The following PTPRM variants were observed in gnomAD, a reference collection of about 807,000 sequenced individuals.
PTPRM encodes the protein protein tyrosine phosphatase receptor type M.
Under a neutral mutation model 186.7 loss-of-function variants are expected in PTPRM, and 47 were observed. The ratio of observed to expected loss-of-function variants is 0.25; its 90% CI spans 0.20 to 0.32. The LOEUF is 0.32. Among genes scored for constraint, PTPRM ranks in the 10% least tolerant of loss-of-function variants. The pLI is 1.00. For missense variants in PTPRM, 1,494 were observed against 1,865.0 expected (o/e 0.80, Z 3.66); for synonymous variants, 668 against 674.9 (o/e 0.99, Z 0.16).
At chr18:7,999,772 G>A (rs2083758810) in intron 7 of PTPRM, among the ~76,000 whole-genome samples, 1 of 151,986 alleles carries the variant, frequency 6.6e-6, no homozygotes, top group South Asian at 2.1e-4. Context: ...TTGTACTAGG[G>A]TTCTCCAGAG....
intron 7 of PTPRM, among the ~76,000 whole-genome samples, chr18:8,054,737 C>T (rs1438676454): frequency 6.6e-6 from 1 of 151,712 alleles, no homozygotes; most frequent in Non-Finnish European, 1.5e-5. Flanking sequence ...TGTTTTTTTG[C>T]TCACCATTTC....
chr18:8,181,981 T>C (rs2093582152), intron 14 of PTPRM, among the ~76,000 whole-genome samples: 1 of 152,190 alleles, frequency 6.6e-6, no homozygotes, highest in African/African-American at 2.4e-5. Context: ...TTAATTACGC[T>C]GGTCTGTGGC....
At chr18:7,937,289 G>A (rs867095785) in intron 5 of PTPRM, among the ~76,000 whole-genome samples, 9 of 152,212 alleles carry the variant, frequency 5.9e-5, no homozygotes, top group Middle Eastern at 3.2e-3. Flanking sequence ...AGCCAGGGCT[G>A]TGACACCCTC....
At chr18:7,924,811 G>A (rs756365651) in intron 4 of PTPRM, among the ~76,000 whole-genome samples, 10 of 152,132 alleles carry the variant, frequency 6.6e-5, no homozygotes, top group South Asian at 2.1e-4. Flanking sequence ...GAAAATTCCC[G>A]CAGGCAGACC....
At chr18:7,949,604 C>T (rs1158621760) in intron 6 of PTPRM, among the ~76,000 whole-genome samples, 4 of 152,162 alleles carry the variant, frequency 2.6e-5, no homozygotes, top group Non-Finnish European at 4.4e-5. Flanking sequence ...GCAAAGTCTT[C>T]TGCCAACTCT....
At chr18:7,914,673 A>G (rs2050452575) in intron 4 of PTPRM, among the ~76,000 whole-genome samples, 1 of 152,140 alleles carries the variant, frequency 6.6e-6, no homozygotes, top group Admixed American at 6.5e-5. Flanking sequence ...TTAGCTGCTA[A>G]TGGTAAACCT....
intron 19 of PTPRM, among the ~76,000 whole-genome samples, chr18:8,267,129 C>T (rs2094710662): frequency 6.6e-6 from 1 of 152,052 alleles, no homozygotes; most frequent in Non-Finnish European, 1.5e-5. Flanking sequence ...TATTTATGTG[C>T]TTTAGGTAAT....
At chr18:7,823,470 A>G (rs904592906) in intron 2 of PTPRM, among the ~76,000 whole-genome samples, 2 of 152,282 alleles carry the variant, frequency 1.3e-5, no homozygotes, top group East Asian at 1.9e-4. Flanking sequence ...GATGCAAAGT[A>G]TTGTTCCTGG....
chr18:7,761,011 C>A (rs964343139), intron 1 of PTPRM, among the ~76,000 whole-genome samples: 4 of 152,078 alleles, frequency 2.6e-5, no homozygotes, highest in Non-Finnish European at 5.9e-5. Context: ...ATAATACATG[C>A]TAAAAAGTAA....
At chr18:8,363,032 G>A (rs2095606121) in intron 23 of PTPRM, among the ~76,000 whole-genome samples, 1 of 152,156 alleles carries the variant, frequency 6.6e-6, no homozygotes, top group Non-Finnish European at 1.5e-5. Context: ...CTTGCTCTCT[G>A]CATCCCCAGC....
At chr18:8,333,193 C>T (rs551431336) in intron 22 of PTPRM, among the ~76,000 whole-genome samples, 1 of 152,274 alleles carries the variant, frequency 6.6e-6, no homozygotes, top group Admixed American at 6.5e-5. Context: ...TTATACCCAC[C>T]CATCTCAACT....
At chr18:7,832,401 G>T (rs557967601) in intron 2 of PTPRM, among the ~76,000 whole-genome samples, 1 of 152,212 alleles carries the variant, frequency 6.6e-6, no homozygotes, top group South Asian at 2.1e-4. Context: ...CTTTTCATAT[G>T]CCTGTTTGCC....
intron 2 of PTPRM, among the ~76,000 whole-genome samples, chr18:7,864,659 A>G (rs1307973049): frequency 6.6e-6 from 1 of 152,200 alleles, no homozygotes; most frequent in Non-Finnish European, 1.5e-5. Flanking sequence ...CTTTTTGCTT[A>G]GGATTGGCTT....
intron 4 of PTPRM, among the ~76,000 whole-genome samples, chr18:7,916,584 CAG>C (rs968896601): frequency 6.6e-6 from 1 of 152,100 alleles, no homozygotes; most frequent in South Asian, 2.1e-4. Context: ...ACATGGCAGA[CAG>C]AGGGGGAAAG....
rs118167160 is a variant in PTPRM, at chr18:7,688,265, C to T, written c.74-85884C>T. The stretch of plus-strand genomic sequence containing the variant: ...ATGGGGAGCAGGATTTGTTCTTTGT[C>T]TTTCTGAACCTGTTTTAGCACTGCA... On this transcript the variant is annotated intron_variant, in intron 1 of 32. Coordinates refer to ENST00000580170, the MANE Select transcript of PTPRM (RefSeq NM_001105244.2). Among the ~76,000 whole-genome samples, 242 of 152,194 alleles carry T rather than the reference C, an allele frequency of 1.6e-3. 6 individuals are homozygous for T. The East Asian group carries it at 0.036, about 23-fold the overall frequency.
intron 2 of PTPRM, among the ~76,000 whole-genome samples, chr18:7,782,544 CTG>C (rs1206865748): frequency 6.6e-6 from 1 of 152,190 alleles, no homozygotes; most frequent in African/African-American, 2.4e-5. Flanking sequence ...TCCAGAACTT[CTG>C]TGTCTTCCCC....
intron 1 of PTPRM, among the ~76,000 whole-genome samples, chr18:7,617,951 G>C (rs2037846927): frequency 6.6e-6 from 1 of 152,210 alleles, no homozygotes; most frequent in Non-Finnish European, 1.5e-5. Context: ...AGGATTGCTA[G>C]AATTAGCTGT....
At chr18:7,806,470 A>ACCT (rs139710209) in intron 2 of PTPRM, among the ~76,000 whole-genome samples, 2,977 of 152,314 alleles carry the variant, frequency 0.02, 92 homozygotes, top group African/African-American at 0.067. Context: ...AGGGCATTAA[A>ACCT]ATTAATCACA....
At chr18:8,290,919 G>A (rs917366991) in intron 19 of PTPRM, among the ~76,000 whole-genome samples, 1 of 152,082 alleles carries the variant, frequency 6.6e-6, no homozygotes, top group Non-Finnish European at 1.5e-5. Flanking sequence ...TTCATAGTTG[G>A]TGTGTTAAAT....
Sources: gnomAD v4.1 joint callset for allele counts (sites outside exome capture counted in the v4.1 genomes callset) on GRCh38, gnomAD v4.1.1 for gene constraint, MANE v1.5 for transcripts, NCBI Gene and HGNC (gene_info 2026-07-23, HGNC 2026-07-21) for gene names.